MT1F: variants seen among roughly 807,000 people sequenced by gnomAD.
The protein encoded by MT1F is metallothionein 1F, also known as metallothionein-1F.
In MT1F, 6 loss-of-function variants were observed where a neutral mutation model predicts 5.4. The observed-to-expected ratio is 1.11, with a 90% CI of 0.61 to 2.19. The LOEUF is 2.19. MT1F is among the 30% of genes most tolerant of loss of function. The probability of loss-of-function intolerance (pLI) is 0.00; values close to 1 mark genes in which losing one functional copy is unlikely to be tolerated. For synonymous variants in MT1F, 28 were observed against 28.3 expected, an observed-to-expected ratio of 0.99 and a Z score of 0.04; for missense variants, 82 against 77.0, an observed-to-expected ratio of 1.07 and a Z score of -0.24.
chr16:56,658,820 T>G (rs767336339), intron 2 of MT1F, 80 bp downstream of exon 2: 2 of 1,542,366 alleles, frequency 1.3e-6, no homozygotes, highest in Non-Finnish European at 1.8e-6. Context: ...GAGTGCATGC[T>G]TCTGGGGAAC....
intron 2 of MT1F, 121 bp downstream of exon 2, chr16:56,658,861 T>C: frequency 7.5e-7 from 1 of 1,336,976 alleles, no homozygotes; most frequent in Non-Finnish European, 1.1e-6. Flanking sequence ...AGGTTGTCAC[T>C]GCCTTTCTAG....
Position 56,658,672 on chromosome 16 carries a change from C to G in MT1F, c.29-3C>G. Reference sequence around the variant, plus strand: ...CACTGGCTTTTTTTTCTCTTTCTCGCAGGTGTCTCCTGCACCTGCGCTGGT... The same window carrying G: ...CACTGGCTTTTTTTTCTCTTTCTCGGAGGTGTCTCCTGCACCTGCGCTGGT... On this transcript the variant is annotated splice_region_variant and splice_polypyrimidine_tract_variant and intron_variant, in intron 1 of 2. Coordinates refer to ENST00000334350, the MANE Select transcript of MT1F (RefSeq NM_005949.4). The G allele has an allele frequency of 2.5e-6, 4 of 1,614,176 alleles. No homozygotes were observed. The highest frequency in any genetic ancestry group is 3.4e-6 in the Non-Finnish European group (4 of 1,180,016).
rs377763361 is a variant in MT1F, at chr16:56,658,994, C to T, written c.95-79C>T. 1.5e-4 allele frequency: 192 copies of T among 1,290,840 alleles called. 3 individuals carry two copies. The South Asian group carries it at 2.1e-3, about 14-fold the overall frequency. The allele number at this position is 1,290,840 out of a possible 1,614,324, so 80.0% of individuals were successfully genotyped here. ...ACTGAGGGTCCTTTGTGGCTGGAGG[C>T]TCTGTTGGGGGCCTCTGTTGGGGAG... On this transcript the variant is annotated intron_variant, in intron 2 of 2. Coordinates refer to ENST00000334350, the MANE Select transcript of MT1F (RefSeq NM_005949.4).
At position 56,659,213 on chromosome 16, in the gene MT1F, C is replaced by A; in HGVS notation, c.*49C>A. 2 of 1,590,766 alleles carry A rather than the reference C, an allele frequency of 1.3e-6. No individual in the cohort carries two copies. The highest frequency in any genetic ancestry group is 1.7e-6 in the Non-Finnish European group (2 of 1,164,090). On this transcript the variant is annotated 3_prime_UTR_variant, in exon 3 of 3. Coordinates refer to ENST00000334350, the MANE Select transcript of MT1F (RefSeq NM_005949.4). ...ATGTAAACAGAGAGACATGTACAAA[C>A]CTGGATTTTTTTTTTATACCACCTT... is the stretch of plus-strand genomic sequence containing the variant.
rs1488032109 is a variant in MT1F at position 56,659,270 on chromosome 16, A to T, written c.*106A>T. On this transcript the variant is annotated 3_prime_UTR_variant, in exon 3 of 3. Transcript: ENST00000334350. Reference sequence around the variant, plus strand: ...TTTGCTACATTCCTTTTCCTGTGAAATATGTGAGTGATAATTAAACACTTT... The same window carrying T: ...TTTGCTACATTCCTTTTCCTGTGAATTATGTGAGTGATAATTAAACACTTT... 5 of 1,067,738 alleles carry T rather than the reference A, an allele frequency of 4.7e-6. No homozygotes were observed. Among genetic ancestry groups the T allele is most frequent in the Non-Finnish European group, 5.6e-6 (4 of 712,562 alleles). The allele number at this position is 1,067,738 out of a possible 1,614,324, so 66.1% of individuals were successfully genotyped here. A position where few individuals can be genotyped will look rare whatever the true frequency, so the allele number is the denominator to read the frequency against.
chr16:56,658,364 T>G (rs1597076264), intron 1 of MT1F: 1 of 586,394 alleles, frequency 1.7e-6, no homozygotes, highest in Non-Finnish European at 3.0e-6. Context: ...GACCAGGCTT[T>G]GAGCAGCAGG....
rs201579326 is a variant in MT1F at position 56,658,739 on chromosome 16, G to T, written c.93G>T (p.Lys31Asn). The T allele has an allele frequency of 5.6e-6, 9 of 1,614,250 alleles. No homozygotes were observed. Among genetic ancestry groups the T allele is most frequent in the Non-Finnish European group, 7.6e-6 (9 of 1,180,032 alleles). ...CKECKCTSCK[K>N]SCCSCCPVGC... ...AGTGCAAATGCACCTCCTGCAAGAA[G>T]AGTGAGTGTGAGGCCATCTCCATGG... The change falls in exon 2 of 3, where the codon AAG becomes AAT. Residue 31 changes from lysine to asparagine, a missense_variant and splice_region_variant. By Grantham distance (94) the Lys-to-Asn change is moderately conservative (BLOSUM62 0). Transcript: ENST00000334350.
chr16:56,658,769 G>A (rs766787283), intron 2 of MT1F, 29 bp downstream of exon 2: 1 of 1,613,784 alleles, frequency 6.2e-7, no homozygotes, highest in South Asian at 1.1e-5. Context: ...CCATGGTCTG[G>A]GGCTGTGGCT....
chr16:56,658,049 T>C lies in MT1F; in HGVS notation c.-10T>C. Reference sequence around the variant, plus strand: ...CTCTCTTGGAAAGTCCAGTCTCTCCTCGGCTTGCAATGGACCCCAACTGCT... The same window carrying C: ...CTCTCTTGGAAAGTCCAGTCTCTCCCCGGCTTGCAATGGACCCCAACTGCT... On this transcript the variant is annotated 5_prime_UTR_variant, in exon 1 of 3. Coordinates refer to ENST00000334350, the MANE Select transcript of MT1F (RefSeq NM_005949.4). 6.2e-7 allele frequency: 1 copy of C among 1,614,056 alleles called. No individual in the cohort carries two copies. The highest frequency in any genetic ancestry group is 1.3e-5 in the African/African-American group (1 of 75,056).
intron 1 of MT1F, 149 bp downstream of exon 1, chr16:56,658,235 G>C: frequency 1.2e-6 from 1 of 863,564 alleles, no homozygotes; most frequent in Non-Finnish European, 1.8e-6. Context: ...CCAAGATCCT[G>C]AGAGCATTTC....
At chr16:56,658,217 C>T (rs1960645505) in intron 1 of MT1F, 131 bp downstream of exon 1, 7 of 1,020,538 alleles carry the variant, frequency 6.9e-6, no homozygotes, top group Non-Finnish European at 1.0e-5. Context: ...CCAGTGCTTT[C>T]CTCTTGGCCA....
In MT1F at chr16:56,658,999, T is replaced by C. The variant is rs539584219; in HGVS notation, c.95-74T>C. 1.8e-5 allele frequency: 24 copies of C among 1,334,552 alleles called. No homozygotes were observed. In the Middle Eastern group the frequency reaches 7.1e-4, roughly 39 times the overall value. 82.7% of individuals were successfully genotyped at this position (1,334,552 alleles called of 1,614,324 possible). On this transcript the variant is annotated intron_variant, in intron 2 of 2. Transcript: ENST00000334350. Reference sequence around the variant, plus strand: ...GGGTCCTTTGTGGCTGGAGGCTCTGTTGGGGGCCTCTGTTGGGGAGGGAGG... The same window carrying C: ...GGGTCCTTTGTGGCTGGAGGCTCTGCTGGGGGCCTCTGTTGGGGAGGGAGG...
intron 1 of MT1F, 106 bp downstream of exon 1, chr16:56,658,192 A>G: frequency 7.8e-7 from 1 of 1,284,354 alleles, no homozygotes; most frequent in Non-Finnish European, 1.1e-6. Context: ...ACTGTAGGGG[A>G]CTCCTTGACT....
At position 56,658,727 on chromosome 16, in the gene MT1F, C is replaced by T. The variant is rs1359031925; in HGVS notation, c.81C>T (p.Thr27=). 2 of 1,614,084 alleles carry T rather than the reference C, an allele frequency of 1.2e-6. No individual in the cohort carries two copies. The highest frequency in any genetic ancestry group is 2.7e-5 in the African/African-American group (2 of 74,924). The change falls in exon 2 of 3, where the codon ACC becomes ACT. Residue 27 remains threonine (T), a synonymous_variant. Coordinates refer to ENST00000334350, the MANE Select transcript of MT1F (RefSeq NM_005949.4). ...GCAAGTGCAAAGAGTGCAAATGCAC[C>T]TCCTGCAAGAAGAGTGAGTGTGAGG... ...GSCKCKECKC[T]SCKKSCCSCC... is the part of the protein sequence containing the mutation.
chr16:56,658,879 C>A, intron 2 of MT1F, 139 bp downstream of exon 2: 2 of 1,242,606 alleles, frequency 1.6e-6, no homozygotes, highest in Non-Finnish European at 2.4e-6. Flanking sequence ...TAGTCTTCTG[C>A]CCTGTGCAGG....
rs748385897 is a variant in MT1F, at chr16:56,659,303, A to T, written c.*139A>T. 54 of 762,132 alleles carry T rather than the reference A, an allele frequency of 7.1e-5. No homozygotes were observed. Among genetic ancestry groups the T allele is most frequent in the Non-Finnish European group, 1.1e-4 (53 of 475,822 alleles). The allele number at this position is 762,132 out of a possible 1,614,324, so 47.2% of individuals were successfully genotyped here. A position where few individuals can be genotyped will look rare whatever the true frequency, so the allele number is the denominator to read the frequency against. ...GTGATAATTAAACACTTTAGACCTG[A>T]TTCTGACTTCAGTTTCCCTTATGTG... On this transcript the variant is annotated 3_prime_UTR_variant, in exon 3 of 3. Transcript: ENST00000334350.
chr16:56,658,119 C>T (rs946628260), intron 1 of MT1F, 33 bp downstream of exon 1: 1 of 1,612,790 alleles, frequency 6.2e-7, no homozygotes, highest in Non-Finnish European at 8.5e-7. Flanking sequence ...CCTGGGGATG[C>T]TCGATTCCCA....
intron 1 of MT1F, chr16:56,658,323 C>T: frequency 1.7e-6 from 1 of 600,958 alleles, no homozygotes; most frequent in Non-Finnish European, 2.9e-6. Flanking sequence ...TGCGGTTTGT[C>T]CCAGGGCTGT....
intron 1 of MT1F, 117 bp from the exon 2 acceptor site, chr16:56,658,558 A>C (rs1960649481): frequency 9.8e-7 from 1 of 1,018,152 alleles, no homozygotes; most frequent in Non-Finnish European, 1.5e-6. Flanking sequence ...TGAGTGGGAA[A>C]GGAGCTCTGA....
Sources: allele counts gnomAD v4.1 joint callset, GRCh38; gene constraint gnomAD v4.1.1; transcripts MANE v1.5; gene names NCBI Gene and HGNC (gene_info 2026-07-23, HGNC 2026-07-21).